The following LRRC69 variants were observed in gnomAD, a reference collection of about 807,000 sequenced individuals.
LRRC69 encodes leucine rich repeat containing 69.
LRRC69 carries 42 observed loss-of-function variants against 37.8 expected under a neutral mutation model. That is an observed-to-expected ratio of 1.11 (90% CI 0.87 to 1.44). LRRC69 has a LOEUF of 1.44. Among genes scored for constraint, LRRC69 ranks in the 40% most tolerant of loss-of-function variants. The probability of loss-of-function intolerance (pLI) is 0.00; values close to 1 mark genes in which losing one functional copy is unlikely to be tolerated. For synonymous variants in LRRC69, 141 were observed against 143.1 expected (o/e 0.99, Z 0.11); for missense variants, 357 against 401.9 (o/e 0.89, Z 0.96).
At chr8:91,213,161 G>A (rs966630575) in intron 7 of LRRC69, among the ~76,000 whole-genome samples, 1 of 152,162 alleles carries the variant, frequency 6.6e-6, no homozygotes, top group Non-Finnish European at 1.5e-5. Context: ...TGCTGTGGGA[G>A]AGCAGGACCA....
At chr8:91,151,734 T>C (rs1274877595) in intron 5 of LRRC69, among the ~76,000 whole-genome samples, 1 of 151,738 alleles carries the variant, frequency 6.6e-6, no homozygotes, top group African/African-American at 2.4e-5. Flanking sequence ...TCTTCCACAG[T>C]GGTTGAACTA....
chr8:91,150,126 A>C (rs2130544514), intron 5 of LRRC69, among the ~76,000 whole-genome samples: 1 of 152,078 alleles, frequency 6.6e-6, no homozygotes, highest in Non-Finnish European at 1.5e-5. Flanking sequence ...ACTATGTTGA[A>C]TAGGAGTGGT....
At chr8:91,168,091 C>T (rs545812961) in intron 5 of LRRC69, among the ~76,000 whole-genome samples, 1 of 151,856 alleles carries the variant, frequency 6.6e-6, no homozygotes, top group African/African-American at 2.4e-5. Context: ...GTAGGGAAGA[C>T]TGATAATACA....
rs770840858 is a variant in LRRC69 at position 91,200,772 on chromosome 8, C to T, written c.913C>T (p.Arg305Ter). 20 of 1,528,520 alleles carry T rather than the reference C, an allele frequency of 1.3e-5. 1 individual carries two copies. The highest frequency in any genetic ancestry group is 5.1e-5 in the South Asian group (4 of 78,420). 94.7% of individuals were successfully genotyped at this position (1,528,520 alleles called of 1,614,324 possible). ...TATAACCGTATGGCTGGAATGTGTT[C>T]GATTTGTTCCTCCACCAAAGGTAAA... The change falls in exon 7 of 8, where the codon CGA becomes TGA. Residue 305 changes from arginine (R) to a stop codon, truncating the protein, a stop_gained. Coordinates refer to ENST00000448384, the Ensembl canonical transcript of LRRC69. LOFTEE classifies it high-confidence loss of function.
intron 5 of LRRC69, among the ~76,000 whole-genome samples, chr8:91,173,206 C>T (rs1192366403): frequency 6.6e-6 from 1 of 151,856 alleles, no homozygotes; most frequent in Non-Finnish European, 1.5e-5. Context: ...GCTGCTTGGT[C>T]CTGAGAGAGT....
At chr8:91,154,945 A>G (rs762715834) in intron 5 of LRRC69, among the ~76,000 whole-genome samples, 16 of 151,696 alleles carry the variant, frequency 1.1e-4, no homozygotes, top group Non-Finnish European at 1.9e-4. Context: ...CTCTGTTTGC[A>G]GATGACACGA....
chr8:91,168,806 T>G (rs929145201), intron 5 of LRRC69, among the ~76,000 whole-genome samples: 7 of 151,990 alleles, frequency 4.6e-5, no homozygotes, highest in Middle Eastern at 6.8e-3. Flanking sequence ...ACTAAATAAG[T>G]CATATAAAAC....
intron 5 of LRRC69, among the ~76,000 whole-genome samples, chr8:91,181,065 T>C (rs1809316306): frequency 6.6e-6 from 1 of 152,224 alleles, no homozygotes; most frequent in Non-Finnish European, 1.5e-5. Flanking sequence ...CTAAAATCTT[T>C]ATTGTATAGT....
At chr8:91,161,255 T>A (rs950546692) in intron 5 of LRRC69, among the ~76,000 whole-genome samples, 4 of 151,436 alleles carry the variant, frequency 2.6e-5, no homozygotes, top group African/African-American at 9.7e-5. Flanking sequence ...TTGTAGTTTT[T>A]CTTGTTGTTG....
chr8:91,172,224 G>A (rs1355374097), intron 5 of LRRC69, among the ~76,000 whole-genome samples: 4 of 151,922 alleles, frequency 2.6e-5, no homozygotes, highest in Non-Finnish European at 2.9e-5. Context: ...ATAAAGTTCA[G>A]TGTGGCTACT....
At chr8:91,148,156 T>A (rs1331418660) in intron 5 of LRRC69, among the ~76,000 whole-genome samples, 2 of 151,824 alleles carry the variant, frequency 1.3e-5, no homozygotes, top group Admixed American at 6.6e-5. Flanking sequence ...TATGTATACA[T>A]GTGCCATGTT....
chr8:91,128,093 T>C (rs1813750972), intron 3 of LRRC69, among the ~76,000 whole-genome samples: 1 of 152,024 alleles, frequency 6.6e-6, no homozygotes, highest in Non-Finnish European at 1.5e-5. Context: ...TTTTTACAAA[T>C]TCAGCTTATC....
At chr8:91,175,036 T>G (rs1477391094) in intron 5 of LRRC69, among the ~76,000 whole-genome samples, 2 of 152,158 alleles carry the variant, frequency 1.3e-5, no homozygotes, top group African/African-American at 4.8e-5. Flanking sequence ...TTTAGAAATA[T>G]TGGAGGGACT....
chr8:91,213,215 A>T (rs1809967648), intron 7 of LRRC69, among the ~76,000 whole-genome samples: 2 of 152,114 alleles, frequency 1.3e-5, no homozygotes, highest in African/African-American at 4.8e-5. Context: ...GGCTGGCTGG[A>T]ACATGATGGG....
intron 5 of LRRC69, chr8:91,157,919 G>A: frequency 1.9e-6 from 3 of 1,553,838 alleles, no homozygotes; most frequent in Non-Finnish European, 2.7e-6. Flanking sequence ...CAAGAAAGTT[G>A]TGTATCGGCA....
At chr8:91,150,928 G>A (rs567804292) in intron 5 of LRRC69, among the ~76,000 whole-genome samples, 84 of 151,980 alleles carry the variant, frequency 5.5e-4, no homozygotes, top group African/African-American at 2.0e-3. Context: ...GATCGTTGGT[G>A]ATATCCTCTT....
intron 5 of LRRC69, among the ~76,000 whole-genome samples, chr8:91,136,355 A>G (rs1229585031): frequency 6.6e-6 from 1 of 151,744 alleles, no homozygotes; most frequent in East Asian, 1.9e-4. Flanking sequence ...CCCATTAATT[A>G]TTTTTCCTGA....
chr8:91,166,503 A>AAC (rs1554593669), intron 5 of LRRC69, among the ~76,000 whole-genome samples: 1 of 150,992 alleles, frequency 6.6e-6, no homozygotes, highest in African/African-American at 2.4e-5. Flanking sequence ...AAAAAAAAAA[A>AAC]AAAAAAAAAA....
In LRRC69 at chr8:91,127,056, T is replaced by A. The variant is rs555823218; in HGVS notation, c.311-32T>A. 2.0e-6 allele frequency: 3 copies of A among 1,481,106 alleles called. No individual in the cohort carries two copies. In the East Asian group the frequency reaches 7.5e-5, roughly 37 times the overall value. The allele number at this position is 1,481,106 out of a possible 1,614,324, so 91.7% of individuals were successfully genotyped here. On this transcript the variant is annotated intron_variant, in intron 2 of 7. Transcript: ENST00000448384. The stretch of plus-strand genomic sequence containing the variant: ...AAGTGACTAAAAATTATCTAACAGA[T>A]GGCTAAAGTGACTAAAATTATTTTC...
Sources: allele counts gnomAD v4.1 joint callset (sites outside exome capture counted in the v4.1 genomes callset), GRCh38; gene constraint gnomAD v4.1.1; transcripts MANE v1.5; gene names NCBI Gene and HGNC (gene_info 2026-07-23, HGNC 2026-07-21).